Variants in SBNO1 observed in about 807,000 individuals in gnomAD.
SBNO1 encodes the protein protein strawberry notch homolog 1.
In SBNO1, 23 loss-of-function variants were observed where a neutral mutation model predicts 173.6. That is an observed-to-expected ratio of 0.13 (90% CI 0.10 to 0.19). The LOEUF is 0.19. Among genes scored for constraint, SBNO1 ranks in the 10% least tolerant of loss-of-function variants. SBNO1 has a pLI of 1.00. For synonymous variants in SBNO1, 632 were observed against 571.5 expected (o/e 1.11, Z -1.51); for missense variants, 1,238 against 1,671.2 (o/e 0.74, Z 4.52).
intron 6 of SBNO1, among the ~76,000 whole-genome samples, chr12:123,335,441 C>A (rs143301801): frequency 8.5e-5 from 13 of 152,258 alleles, no homozygotes; most frequent in Admixed American, 2.0e-4. Flanking sequence ...AAGAGCCAGA[C>A]CCCGTCTTAA....
At chr12:123,356,159 T>A (rs1447683608) in intron 1 of SBNO1, among the ~76,000 whole-genome samples, 1 of 152,156 alleles carries the variant, frequency 6.6e-6, no homozygotes, top group East Asian at 1.9e-4. Flanking sequence ...CATTGCCCAC[T>A]AGTAGTATGA....
rs200478376 is a variant in SBNO1, at chr12:123,340,947, C to G, written c.651+41G>C. On this transcript the variant is annotated intron_variant, in intron 5 of 31. Transcript: ENST00000602398. ...GAACACTTTTAGTTGAGTACACTCT[C>G]ATACTACACAAAAATAAAGACACAG... 3.4e-4 allele frequency: 416 copies of G among 1,232,290 alleles called. 3 individuals are homozygous for G. In the East Asian group the frequency reaches 9.5e-3, roughly 28 times the overall value. 76.3% of individuals were successfully genotyped at this position (1,232,290 alleles called of 1,614,324 possible). A position where few individuals can be genotyped will look rare whatever the true frequency, so the allele number is the denominator to read the frequency against.
intron 31 of SBNO1, among the ~76,000 whole-genome samples, chr12:123,297,368 G>A (rs1361249433): frequency 2.1e-4 from 9 of 43,486 alleles, no homozygotes; most frequent in Admixed American, 3.5e-4. Flanking sequence ...TAATTCAAAT[G>A]AAAACCTACA....
intron 1 of SBNO1, chr12:123,364,460 C>T: frequency 1.0e-6 from 1 of 985,502 alleles, no homozygotes; most frequent in Non-Finnish European, 1.2e-6. Context: ...CGAGCGGCGA[C>T]AGCGGGGCCC....
intron 4 of SBNO1, among the ~76,000 whole-genome samples, chr12:123,342,481 G>C (rs1872685445): frequency 6.6e-6 from 1 of 151,856 alleles, no homozygotes; most frequent in Non-Finnish European, 1.5e-5. Flanking sequence ...CCAAAACCTG[G>C]GGTTATCACC....
chr12:123,345,050 G>A (rs1025085806), intron 4 of SBNO1, among the ~76,000 whole-genome samples: 1 of 152,164 alleles, frequency 6.6e-6, no homozygotes, highest in Non-Finnish European at 1.5e-5. Flanking sequence ...GATGATCCTA[G>A]AAATCACATT....
At chr12:123,340,965 A>G in intron 5 of SBNO1, 23 bp downstream of exon 5, 1 of 1,371,550 alleles carries the variant, frequency 7.3e-7, no homozygotes, top group Non-Finnish European at 1.0e-6. Flanking sequence ...ACAAAAATAA[A>G]GACACAGTTA....
chr12:123,290,803 T>G lies in SBNO1; in HGVS notation c.*5105A>C, dbSNP rs1230647832. Reference sequence around the variant, plus strand: ...CCCAGGCTGGAGTGCAGTGGCGCGATCTGGGCTCACTGCAAGCTCTGCCTC... The same window carrying G: ...CCCAGGCTGGAGTGCAGTGGCGCGAGCTGGGCTCACTGCAAGCTCTGCCTC... On this transcript the variant is annotated 3_prime_UTR_variant, in exon 32 of 32. Coordinates refer to ENST00000602398, the MANE Select transcript of SBNO1 (RefSeq NM_001167856.3). 1 of 152,036 alleles carries G rather than the reference T, an allele frequency of 6.6e-6. No individual in the cohort carries two copies. The highest frequency in any genetic ancestry group is 2.4e-5 in the African/African-American group (1 of 41,388). 9.4% of individuals were successfully genotyped at this position (152,036 alleles called of 1,614,324 possible). A position where few individuals can be genotyped will look rare whatever the true frequency, so the allele number is the denominator to read the frequency against.
At position 123,295,552 on chromosome 12, in the gene SBNO1, G is replaced by A. The variant is rs1463426482; in HGVS notation, c.*356C>T. On this transcript the variant is annotated 3_prime_UTR_variant, in exon 32 of 32. Transcript: ENST00000602398. ...ACCCTGAGCACTGTATAAACATAAAGTAAAGCCAGTTTGGGAAGTTCCAAG... is the reference window on the plus strand; with the variant it reads ...ACCCTGAGCACTGTATAAACATAAAATAAAGCCAGTTTGGGAAGTTCCAAG... 9.8e-6 allele frequency: 2 copies of A among 204,664 alleles called. No individual in the cohort carries two copies. The highest frequency in any genetic ancestry group is 5.2e-5 in the Admixed American group (1 of 19,282). The allele number at this position is 204,664 out of a possible 1,614,324, so 12.7% of individuals were successfully genotyped here.
intron 3 of SBNO1, 123 bp from the exon 4 acceptor site, chr12:123,345,693 T>C (rs77805618): frequency 2.4e-6 from 2 of 826,284 alleles, no homozygotes; most frequent in Non-Finnish European, 3.7e-6. Context: ...TTTTTTTTTT[T>C]CTTTGAAGCA....
chr12:123,304,084 C>T (rs2048856915), intron 29 of SBNO1, among the ~76,000 whole-genome samples: 1 of 151,976 alleles, frequency 6.6e-6, no homozygotes. Flanking sequence ...GCATGCAACA[C>T]TACGCCTGGC....
At position 123,290,522 on chromosome 12, in the gene SBNO1, C is replaced by A. The variant is rs1002147042; in HGVS notation, c.*5386G>T. ...TCTTCCCAACTCGAATTATTAAAAA[C>A]GCCTCGATCCCGCTCTGCTTCTAGG... On this transcript the variant is annotated 3_prime_UTR_variant, in exon 32 of 32. Coordinates refer to ENST00000602398, the MANE Select transcript of SBNO1 (RefSeq NM_001167856.3). 3.9e-5 allele frequency: 6 copies of A among 152,108 alleles called. No homozygotes were observed. Among genetic ancestry groups the A allele is most frequent in the African/African-American group, 1.4e-4 (6 of 41,406 alleles). The allele number at this position is 152,108 out of a possible 1,614,324, so 9.4% of individuals were successfully genotyped here.
chr12:123,341,420 C>A (rs1872551842), intron 4 of SBNO1, among the ~76,000 whole-genome samples: 1 of 152,086 alleles, frequency 6.6e-6, no homozygotes, highest in Non-Finnish European at 1.5e-5. Flanking sequence ...TGCACTTCAG[C>A]CTGGGTGACA....
intron 7 of SBNO1, among the ~76,000 whole-genome samples, chr12:123,333,108 A>G (rs1871409305): frequency 1.6e-5 from 2 of 127,534 alleles, no homozygotes; most frequent in African/African-American, 3.0e-5. Flanking sequence ...TGGACGACAC[A>G]GTGAGACTCC....
At chr12:123,339,330 T>C (rs1411090219) in intron 5 of SBNO1, among the ~76,000 whole-genome samples, 1 of 152,024 alleles carries the variant, frequency 6.6e-6, no homozygotes, top group South Asian at 2.1e-4. Flanking sequence ...CCCTTCTTAC[T>C]TCCCCCTTAG....
chr12:123,310,701 A>G (rs1431551470), intron 25 of SBNO1, among the ~76,000 whole-genome samples: 1 of 151,556 alleles, frequency 6.6e-6, no homozygotes, highest in East Asian at 1.9e-4. Context: ...GGCCCGGCTA[A>G]TTTTTGTATT....
chr12:123,308,852 C>G (rs1024493522), intron 28 of SBNO1, among the ~76,000 whole-genome samples: 7 of 152,098 alleles, frequency 4.6e-5, no homozygotes, highest in Admixed American at 3.3e-4. Context: ...GCCTCTAATC[C>G]CAGCACTTTG....
intron 19 of SBNO1, 86 bp downstream of exon 19, chr12:123,320,346 T>C (rs1391701620): frequency 8.1e-7 from 1 of 1,240,338 alleles, no homozygotes; most frequent in Non-Finnish European, 1.1e-6. Flanking sequence ...GAAATTTAGA[T>C]TATTATGTGA....
intron 30 of SBNO1, 94 bp from the exon 31 acceptor site, chr12:123,298,265 C>CTT: frequency 2.8e-4 from 339 of 1,230,428 alleles, no homozygotes; most frequent in East Asian, 8.7e-4. Flanking sequence ...AATTTCTTTT[C>CTT]TTTTCTTTTT....
Sources: allele counts gnomAD v4.1 joint callset (sites outside exome capture counted in the v4.1 genomes callset), GRCh38; gene constraint gnomAD v4.1.1; transcripts MANE v1.5; gene names NCBI Gene and HGNC (gene_info 2026-07-23, HGNC 2026-07-21).